The following GALNT15 variants were observed in gnomAD, a reference collection of about 807,000 sequenced individuals.
GALNT15 encodes UDP-GalNAc transferase T15.
Under a neutral mutation model 66.8 loss-of-function variants are expected in GALNT15, and 67 were observed. The ratio of observed to expected loss-of-function variants is 1.00; its 90% CI spans 0.82 to 1.23. The LOEUF is 1.23. Among genes scored for constraint, GALNT15 ranks in the 50% most tolerant of loss-of-function variants. The pLI is 0.00. For synonymous variants in GALNT15, 313 were observed against 311.5 expected (o/e 1.00, Z -0.05); for missense variants, 827 against 804.3 (o/e 1.03, Z -0.34).
chr3:16,230,564 T>C (rs1399351346), downstream of GALNT15, among the ~76,000 whole-genome samples: 1 of 148,682 alleles, frequency 6.7e-6, no homozygotes, highest in Non-Finnish European at 1.5e-5. This position sits in a 1 kb window ranked among gnomAD's most constrained non-coding sequence, Gnocchi z 4.5. Flanking sequence ...ACAAGTTGCA[T>C]TTTTAAAAAG....
At chr3:16,213,184 G>A (rs916139757) in intron 6 of GALNT15, among the ~76,000 whole-genome samples, 10 of 152,184 alleles carry the variant, frequency 6.6e-5, no homozygotes, top group African/African-American at 1.2e-4. Context: ...GGCCAGGCGC[G>A]GTGGCTCATG....
At position 16,186,118 on chromosome 3, in the gene GALNT15, C is replaced by T. The variant is rs1255151249; in HGVS notation, c.540-9642C>T. ...CCAACAATTAAACAACAAAACACTCCATTTTAAAATGGGCAAAGGATTTGA... is the reference window on the plus strand; with the variant it reads ...CCAACAATTAAACAACAAAACACTCTATTTTAAAATGGGCAAAGGATTTGA... On this transcript the variant is annotated intron_variant, in intron 1 of 9. Transcript: ENST00000339732. The surrounding 1 kb of genome is among the most constrained non-coding windows in gnomAD (Gnocchi z 5.1). 6.6e-6 allele frequency among the ~76,000 whole-genome samples: 1 copy of T among 152,114 alleles called. No individual in the cohort carries two copies. The highest frequency in any genetic ancestry group is 2.4e-5 in the African/African-American group (1 of 41,408).
chr3:16,247,785 C>T, the GALNT15 span, among the ~76,000 whole-genome samples: 1 of 152,224 alleles, frequency 6.6e-6, no homozygotes, highest in African/African-American at 2.4e-5. Flanking sequence ...GGGCTTCCCT[C>T]GACCTCAGTC....
intron 1 of GALNT15, among the ~76,000 whole-genome samples, chr3:16,179,944 A>G (rs1248715638): frequency 1.3e-5 from 2 of 152,192 alleles, no homozygotes; most frequent in Non-Finnish European, 2.9e-5. Flanking sequence ...TGTAGCACGG[A>G]TGGTTTTCAA....
chr3:16,220,119 T>C, intron 8 of GALNT15, 105 bp downstream of exon 8: 1 of 847,736 alleles, frequency 1.2e-6, no homozygotes, highest in Admixed American at 1.8e-5. Context: ...ATCTTCTTTC[T>C]GTGGTCCCAT....
chr3:16,240,098 G>C, the GALNT15 span, among the ~76,000 whole-genome samples: 1 of 152,228 alleles, frequency 6.6e-6, no homozygotes, highest in African/African-American at 2.4e-5. Flanking sequence ...ACTCATGAGG[G>C]CTGGGTTGGT....
chr3:16,190,586 C>G (rs1454864592), intron 1 of GALNT15, among the ~76,000 whole-genome samples: 2 of 146,718 alleles, frequency 1.4e-5, no homozygotes, highest in South Asian at 2.1e-4. Flanking sequence ...TGCAGTGAGC[C>G]AAGATCGCGC....
rs534013975 is a variant in GALNT15, at chr3:16,180,093, A to T, written c.539+4403A>T. Among the ~76,000 whole-genome samples, 155 of 152,300 alleles carry T rather than the reference A, an allele frequency of 1.0e-3. No individual in the cohort carries two copies. Among genetic ancestry groups the T allele is most frequent in the African/African-American group, 3.6e-3 (150 of 41,548 alleles). ...ACGGCTGAACTTGAGCGTGCATCCG[A>T]ACAACTAGATGGCTTGTTAAAAATA... On this transcript the variant is annotated intron_variant, in intron 1 of 9. Coordinates refer to ENST00000339732, the MANE Select transcript of GALNT15 (RefSeq NM_054110.5). This position sits in a 1 kb window ranked among gnomAD's most constrained non-coding sequence, Gnocchi z 5.0.
chr3:16,222,229 A>C (rs145474286), intron 8 of GALNT15, among the ~76,000 whole-genome samples: 2 of 152,366 alleles, frequency 1.3e-5, no homozygotes, highest in African/African-American at 4.8e-5. Context: ...CAGGAAAGTT[A>C]GTTTCAGGAG....
At chr3:16,215,397 T>C (rs538088008) in intron 6 of GALNT15, among the ~76,000 whole-genome samples, 1 of 152,300 alleles carries the variant, frequency 6.6e-6, no homozygotes, top group African/African-American at 2.4e-5. Context: ...TGAGGTCCCA[T>C]GAGAGGGTGA....
chr3:16,225,899 A>C lies in GALNT15; in HGVS notation c.1774-1455A>C, dbSNP rs1473600710. Among the ~76,000 whole-genome samples the C allele has an allele frequency of 6.6e-6, 1 of 151,730 alleles. No individual in the cohort carries two copies. The highest frequency in any genetic ancestry group is 1.9e-4 in the East Asian group (1 of 5,162). ...CCCATCTCTACTAAAAATACAAAAA[A>C]TTAGCTGGGCATGGTGTCACATGCC... is the stretch of plus-strand genomic sequence containing the variant. On this transcript the variant is annotated intron_variant, in intron 9 of 9. Transcript: ENST00000339732. This position sits in a 1 kb window ranked among gnomAD's most constrained non-coding sequence, Gnocchi z 4.4.
chr3:16,243,118 C>T, the GALNT15 span, among the ~76,000 whole-genome samples: 2 of 152,334 alleles, frequency 1.3e-5, no homozygotes, highest in East Asian at 3.9e-4. Context: ...TTGAGGGTTA[C>T]ACCCGGGGCC....
At chr3:16,214,814 C>A (rs2063855223) in intron 6 of GALNT15, among the ~76,000 whole-genome samples, 1 of 152,158 alleles carries the variant, frequency 6.6e-6, no homozygotes, top group African/African-American at 2.4e-5. Flanking sequence ...GACTCTGGAG[C>A]CCCTGAGGGT....
chr3:16,202,980 A>G (rs1056368243), intron 3 of GALNT15, among the ~76,000 whole-genome samples: 7 of 152,190 alleles, frequency 4.6e-5, no homozygotes, highest in Non-Finnish European at 8.8e-5. Context: ...ATTAAACTTT[A>G]TGTATGTGTA....
chr3:16,220,077 T>G (rs1292679761), intron 8 of GALNT15, 63 bp downstream of exon 8: 14 of 1,257,172 alleles, frequency 1.1e-5, no homozygotes, highest in Middle Eastern at 1.8e-4. Flanking sequence ...GGGCGATATT[T>G]TTCTGGGATG....
chr3:16,197,005 A>T (rs2063645713), intron 2 of GALNT15, among the ~76,000 whole-genome samples: 1 of 152,218 alleles, frequency 6.6e-6, no homozygotes, highest in Admixed American at 6.5e-5. Flanking sequence ...GGCTCTGGGA[A>T]CACCTGGGGT....
At chr3:16,222,907 G>T (rs1448667900) in intron 9 of GALNT15, 149 bp downstream of exon 9, 1 of 942,452 alleles carries the variant, frequency 1.1e-6, no homozygotes, top group Non-Finnish European at 1.6e-6. Flanking sequence ...TAAGGCCTCA[G>T]GGGGAGGAAA....
At position 16,188,205 on chromosome 3, in the gene GALNT15, C is replaced by T. The variant is rs2063537087; in HGVS notation, c.540-7555C>T. Among the ~76,000 whole-genome samples the T allele has an allele frequency of 6.6e-6, 1 of 152,190 alleles. No individual in the cohort carries two copies. The highest frequency in any genetic ancestry group is 1.5e-5 in the Non-Finnish European group (1 of 68,036). On this transcript the variant is annotated intron_variant, in intron 1 of 9. Transcript: ENST00000339732. This position sits in a 1 kb window ranked among gnomAD's most constrained non-coding sequence, Gnocchi z 4.6. ...AGGGGGCGTCTCAGAGGAAAAGAAT[C>T]ACAGAAGGCAAAGTGTTGCCTGTGG...
intron 8 of GALNT15, 96 bp from the exon 9 acceptor site, chr3:16,222,519 T>C: frequency 6.9e-7 from 1 of 1,458,402 alleles, no homozygotes; most frequent in African/African-American, 1.4e-5. Flanking sequence ...AGATTGCCCC[T>C]AGACCTCAGC....
Sources: gnomAD v4.1 joint callset for allele counts (sites outside exome capture counted in the v4.1 genomes callset) on GRCh38, gnomAD v4.1.1 for gene constraint, Gnocchi (gnomAD v3.1) non-coding constraint, MANE v1.5 for transcripts, NCBI Gene and HGNC (gene_info 2026-07-23, HGNC 2026-07-21) for gene names.